Variants in SIDT2 observed in about 807,000 individuals in gnomAD.
SIDT2 encodes the protein SID1 transmembrane family, member 2.
In SIDT2, 68 loss-of-function variants were observed where a neutral mutation model predicts 114.4. The observed-to-expected ratio is 0.59, with a 90% CI of 0.49 to 0.73. The LOEUF (loss-of-function observed/expected upper bound fraction) is 0.73. Among genes scored for constraint, SIDT2 ranks in the 30% least tolerant of loss-of-function variants. SIDT2 has a pLI of 0.00. For missense variants in SIDT2, 918 were observed against 1,097.1 expected, an observed-to-expected ratio of 0.84 and a Z score of 2.31; for synonymous variants, 470 against 438.4, an observed-to-expected ratio of 1.07 and a Z score of -0.90.
chr11:117,192,111 A>G lies in SIDT2; in HGVS notation c.1872+97A>G. 6.4e-7 allele frequency: 1 copy of G among 1,573,172 alleles called. No homozygotes were observed. The highest frequency in any genetic ancestry group is 1.7e-5 in the Admixed American group (1 of 58,696). ...CACCCTCCGCCACCTCCTGCATGAGAGATTCCTGCTCCTTCCCTGAGATGC... is the reference window on the plus strand; with the variant it reads ...CACCCTCCGCCACCTCCTGCATGAGGGATTCCTGCTCCTTCCCTGAGATGC... On this transcript the variant is annotated intron_variant, in intron 19 of 25. Transcript: ENST00000324225. This position sits in a 1 kb window ranked among gnomAD's most constrained non-coding sequence, Gnocchi z 5.9.
chr11:117,191,056 TCA>T, intron 18 of SIDT2: 1 of 196,794 alleles, frequency 5.1e-6, no homozygotes, highest in East Asian at 1.3e-4. Context: ...GGCAGATGGA[TCA>T]CGAGGTCAGG....
chr11:117,182,447 C>T (rs2030326398), intron 4 of SIDT2, 72 bp from the exon 5 acceptor site: 1 of 1,360,440 alleles, frequency 7.4e-7, no homozygotes, highest in Non-Finnish European at 1.1e-6. Flanking sequence ...TTATAGGGGA[C>T]TATTCCCTTC....
At position 117,190,018 on chromosome 11, in the gene SIDT2, A is replaced by C. The variant is rs1015692849; in HGVS notation, c.1486A>C (p.Asn496His). 2.5e-6 allele frequency: 4 copies of C among 1,613,976 alleles called. No individual in the cohort carries two copies. The African/African-American group carries it at 5.3e-5, about 22-fold the overall frequency. The change falls in exon 16 of 26, where the codon AAT (asparagine) becomes CAT (histidine). Residue 496 changes from asparagine to histidine, a missense_variant. Asn to His is a moderately conservative substitution (Grantham distance 68). Around this residue, in one of 4 missense-constraint regions of SIDT2, gnomAD observed 72 missense variants for 59.9 expected, o/e 1.20. Transcript: ENST00000324225. The surrounding 1 kb of genome is among the most constrained non-coding windows in gnomAD (Gnocchi z 4.1). ...YNFLCAHPLG[N>H]LSAFNNILSN... ...CTTCCTCTGCGCCCACCCACTGGGC[A>C]ATCTCAGGTGGGGGTCATGCTGGGA... is the stretch of plus-strand genomic sequence containing the variant.
rs2030915950 is a variant in SIDT2, at chr11:117,196,978, C to T, written c.*912C>T. The T allele has an allele frequency of 6.5e-6, 1 of 152,776 alleles. No individual in the cohort carries two copies. Among genetic ancestry groups the T allele is most frequent in the East Asian group, 1.9e-4 (1 of 5,202 alleles). The allele number at this position is 152,776 out of a possible 1,614,324, so 9.5% of individuals were successfully genotyped here. A position where few individuals can be genotyped will look rare whatever the true frequency, so the allele number is the denominator to read the frequency against. ...TGATACAGAGTTCAGCCCGTTCTGC[C>T]TCCACAGCTGTGGGCACCCCAGTGC... On this transcript the variant is annotated 3_prime_UTR_variant, in exon 26 of 26. Transcript: ENST00000324225. This position sits in a 1 kb window ranked among gnomAD's most constrained non-coding sequence, Gnocchi z 4.9.
At chr11:117,183,217 T>C (rs1457009201) in intron 6 of SIDT2, among the ~76,000 whole-genome samples, 1 of 151,084 alleles carries the variant, frequency 6.6e-6, no homozygotes, top group Non-Finnish European at 1.5e-5. Context: ...TGGTGGCGCA[T>C]GCCTGTAATC....
At chr11:117,194,191 A>G (rs1565289690) in intron 24 of SIDT2, 1 of 436,260 alleles carries the variant, frequency 2.3e-6, no homozygotes, top group Non-Finnish European at 4.1e-6. Flanking sequence ...GGTATTCACC[A>G]GTAGTCCTAG....
Position 117,190,301 on chromosome 11 carries a change from C to G in SIDT2, c.1617+12C>G. Reference sequence around the variant, plus strand: ...ACCTCTGTGCCCTGGTAAGGGAGCACCTGCCTGCCTGCCGCAGCCTCAGCT... The same window carrying G: ...ACCTCTGTGCCCTGGTAAGGGAGCAGCTGCCTGCCTGCCGCAGCCTCAGCT... On this transcript the variant is annotated intron_variant, in intron 17 of 25. Coordinates refer to ENST00000324225, the MANE Select transcript of SIDT2 (RefSeq NM_001040455.2). The surrounding 1 kb of genome is among the most constrained non-coding windows in gnomAD (Gnocchi z 4.1). 4 of 1,525,212 alleles carry G rather than the reference C, an allele frequency of 2.6e-6. No individual in the cohort carries two copies. Among genetic ancestry groups the G allele is most frequent in the Non-Finnish European group, 3.5e-6 (4 of 1,137,996 alleles). 94.5% of individuals were successfully genotyped at this position (1,525,212 alleles called of 1,614,324 possible).
Position 117,190,835 on chromosome 11 carries a change from C to A in SIDT2, c.1735+95C>A, listed in dbSNP as rs2030673231. ...AAGTCACCCACAGGGATCGCTAAGA[C>A]ACCCCTGTAGGAAACTCCAAGGCTG... is the stretch of plus-strand genomic sequence containing the variant. On this transcript the variant is annotated intron_variant, in intron 18 of 25. Coordinates refer to ENST00000324225, the MANE Select transcript of SIDT2 (RefSeq NM_001040455.2). The surrounding 1 kb of genome is among the most constrained non-coding windows in gnomAD (Gnocchi z 4.1). 1.0e-5 allele frequency: 10 copies of A among 990,258 alleles called. No homozygotes were observed. The East Asian group carries it at 1.7e-4, about 17-fold the overall frequency. 61.3% of individuals were successfully genotyped at this position (990,258 alleles called of 1,614,324 possible).
intron 1 of SIDT2, among the ~76,000 whole-genome samples, chr11:117,180,736 A>G (rs2030253377): frequency 6.6e-6 from 1 of 151,824 alleles, no homozygotes; most frequent in Non-Finnish European, 1.5e-5. Flanking sequence ...GGGCTTCACC[A>G]TGTTGGCCAG....
chr11:117,189,623 C>A (rs764619901), intron 15 of SIDT2: 6 of 609,624 alleles, frequency 9.8e-6, no homozygotes, highest in African/African-American at 1.9e-5. Context: ...TAAAGATAGC[C>A]CCTCCCTGGT....
rs146964701 is a variant in SIDT2 at position 117,192,330 on chromosome 11, C to T, written c.1949C>T (p.Thr650Met). Residue 650 changes from threonine (T) to methionine (M), a missense_variant, in exon 20 of 26, where the codon ACG becomes ATG. Physicochemically the swap from Thr to Met is moderately conservative, Grantham distance 81 (BLOSUM62 -1). Around this residue, in one of 4 missense-constraint regions of SIDT2, gnomAD observed 275 missense variants for 397.6 expected, o/e 0.69. Coordinates refer to ENST00000324225, the MANE Select transcript of SIDT2 (RefSeq NM_001040455.2). The surrounding 1 kb of genome is among the most constrained non-coding windows in gnomAD (Gnocchi z 5.9). Reference protein sequence around the residue: ...IHIIATLLLSTQLYYMGRWKL... With the variant: ...IHIIATLLLSMQLYYMGRWKL... Reference sequence around the variant, plus strand: ...ATCATCGCCACCCTGCTCCTCAGCACGCAGCTCTATTACATGGGCCGGTGG... The same window carrying T: ...ATCATCGCCACCCTGCTCCTCAGCATGCAGCTCTATTACATGGGCCGGTGG... The T allele has an allele frequency of 2.5e-5, 40 of 1,609,452 alleles. No homozygotes were observed. Among genetic ancestry groups the T allele is most frequent in the Admixed American group, 6.7e-5 (4 of 59,994 alleles).
rs568901951 is a variant in SIDT2 at position 117,183,412 on chromosome 11, C to A, written c.703-367C>A. On this transcript the variant is annotated intron_variant, in intron 6 of 25. Coordinates refer to ENST00000324225, the MANE Select transcript of SIDT2 (RefSeq NM_001040455.2). The stretch of plus-strand genomic sequence containing the variant: ...CCACACTTCGGGAGGCTGAGGCGGG[C>A]AGATCACCTGAGATCAGGCGTTCAA... 8.6e-5 allele frequency among the ~76,000 whole-genome samples: 13 copies of A among 151,974 alleles called. 1 individual carries two copies. Among genetic ancestry groups the A allele is most frequent in the Middle Eastern group, 6.8e-3 (2 of 292 alleles).
chr11:117,194,137 C>CA lies in SIDT2; in HGVS notation c.2322+180dup, dbSNP rs1189774872. 74 of 527,386 alleles carry CA rather than the reference C, an allele frequency of 1.4e-4. 1 individual carries two copies. Among genetic ancestry groups the CA allele is most frequent in the African/African-American group, 1.4e-3 (71 of 51,862 alleles). The allele number at this position is 527,386 out of a possible 1,614,324, so 32.7% of individuals were successfully genotyped here. A position where few individuals can be genotyped will look rare whatever the true frequency, so the allele number is the denominator to read the frequency against. ...GCAATATAGTAAGAACCCGTCTCTA[C>CA]AAAAAATAAAAAAATAAAAATAAAA... On this transcript the variant is annotated intron_variant, in intron 24 of 25. Coordinates refer to ENST00000324225, the MANE Select transcript of SIDT2 (RefSeq NM_001040455.2).
intron 1 of SIDT2, 31 bp from the exon 2 acceptor site, chr11:117,181,385 G>A: frequency 2.5e-6 from 4 of 1,612,438 alleles, no homozygotes; most frequent in Non-Finnish European, 3.4e-6. Context: ...GGTGGCAGAG[G>A]CTTGAGAGGC....
rs963673256 is a variant in SIDT2, at chr11:117,193,951, C to A, written c.2310C>A (p.Leu770=). ...GFALFFFFQG[L]STWQKTPAES... ...CGCTCTTCTTCTTCTTCCAGGGACT[C>A]AGCACCTGGCAGGTGAGCACTCACC... The change falls in exon 24 of 26, where the codon CTC becomes CTA. Residue 770 remains leucine (L), a synonymous_variant. Transcript: ENST00000324225. The A allele has an allele frequency of 5.6e-6, 9 of 1,613,118 alleles. No homozygotes were observed. Among genetic ancestry groups the A allele is most frequent in the Non-Finnish European group, 7.6e-6 (9 of 1,179,280 alleles).
chr11:117,187,145 C>T lies in SIDT2; in HGVS notation c.1016-233C>T. 9 of 1,224,214 alleles carry T rather than the reference C, an allele frequency of 7.4e-6. No individual in the cohort carries two copies. The South Asian group carries it at 1.2e-4, about 16-fold the overall frequency. The allele number at this position is 1,224,214 out of a possible 1,614,324, so 75.8% of individuals were successfully genotyped here. A position where few individuals can be genotyped will look rare whatever the true frequency, so the allele number is the denominator to read the frequency against. The stretch of plus-strand genomic sequence containing the variant: ...TTAGATGTGCCTGTTCTTGAACTTT[C>T]TCTCTCCTTAGGGAAGACAAAGGGT... On this transcript the variant is annotated intron_variant, in intron 10 of 25. Transcript: ENST00000324225.
intron 24 of SIDT2, 27 bp from the exon 25 acceptor site, chr11:117,195,775 C>A: frequency 6.2e-7 from 1 of 1,612,882 alleles, no homozygotes; most frequent in Non-Finnish European, 8.5e-7. Flanking sequence ...CAGGGTCATT[C>A]GGCAGTTTTT....
chr11:117,196,205 T>C lies in SIDT2; in HGVS notation c.*139T>C. On this transcript the variant is annotated 3_prime_UTR_variant, in exon 26 of 26. Transcript: ENST00000324225. The surrounding 1 kb of genome is among the most constrained non-coding windows in gnomAD (Gnocchi z 4.9). The stretch of plus-strand genomic sequence containing the variant: ...TGGCAGCAGGACAGCCAGGTCTAGC[T>C]TAGGCTTGGCCTGGGACAGCCATGG... 3 of 1,195,808 alleles carry C rather than the reference T, an allele frequency of 2.5e-6. No individual in the cohort carries two copies. The highest frequency in any genetic ancestry group is 3.5e-6 in the Non-Finnish European group (3 of 850,486). 74.1% of individuals were successfully genotyped at this position (1,195,808 alleles called of 1,614,324 possible).
intron 4 of SIDT2, 36 bp from the exon 5 acceptor site, chr11:117,182,483 T>G: frequency 9.0e-4 from 1,399 of 1,549,812 alleles, no homozygotes; most frequent in Non-Finnish European, 1.1e-3. Flanking sequence ...AGCATCCTCA[T>G]GAGATGGGGC....
Sources: allele counts gnomAD v4.1 joint callset (sites outside exome capture counted in the v4.1 genomes callset), GRCh38; gene constraint gnomAD v4.1.1; regional missense constraint gnomAD v4.1.1; non-coding constraint Gnocchi (gnomAD v3.1); transcripts MANE v1.5; gene names NCBI Gene and HGNC (gene_info 2026-07-23, HGNC 2026-07-21).